ADCY8: variants seen among roughly 807,000 people sequenced by gnomAD.
The protein encoded by ADCY8 is adenylate cyclase 8.
Under a neutral mutation model 119.7 loss-of-function variants are expected in ADCY8, and 51 were observed. The observed-to-expected ratio is 0.43, with a 90% CI of 0.34 to 0.54. The LOEUF (loss-of-function observed/expected upper bound fraction) is 0.54. ADCY8 is among the 20% of genes least tolerant of loss of function. The probability of loss-of-function intolerance (pLI) is 0.03; values close to 1 mark genes in which losing one functional copy is unlikely to be tolerated. For missense variants in ADCY8, 1,383 were observed against 1,598.8 expected, an observed-to-expected ratio of 0.87 and a Z score of 2.30; for synonymous variants, 665 against 651.0, an observed-to-expected ratio of 1.02 and a Z score of -0.33.
At chr8:130,874,182 C>T (rs1818471323) in intron 8 of ADCY8, among the ~76,000 whole-genome samples, 3 of 151,922 alleles carry the variant, frequency 2.0e-5, no homozygotes, top group African/African-American at 4.8e-5. Context: ...GTGGTGTGCA[C>T]CTGTAGTCCC....
intron 3 of ADCY8, among the ~76,000 whole-genome samples, chr8:130,950,551 A>T (rs1204296673): frequency 6.6e-6 from 1 of 152,204 alleles, no homozygotes; most frequent in African/African-American, 2.4e-5. Flanking sequence ...AGACAGTGGC[A>T]GTGGCCTCCT....
At chr8:130,900,045 C>T (rs1355099233) in intron 7 of ADCY8, among the ~76,000 whole-genome samples, 1 of 152,174 alleles carries the variant, frequency 6.6e-6, no homozygotes, top group East Asian at 1.9e-4. Context: ...CACCTGGAAA[C>T]TCAAGGCATG....
At chr8:130,829,670 G>A (rs952108321) in intron 12 of ADCY8, among the ~76,000 whole-genome samples, 2 of 152,190 alleles carry the variant, frequency 1.3e-5, no homozygotes, top group African/African-American at 4.8e-5. Context: ...AAAGAAGGAT[G>A]TTTGGGACAA....
chr8:130,836,793 G>A (rs748892851), intron 11 of ADCY8, among the ~76,000 whole-genome samples: 2 of 152,108 alleles, frequency 1.3e-5, no homozygotes, highest in Non-Finnish European at 2.9e-5. Context: ...GAGGGCAGTG[G>A]TATCATCTCG....
At chr8:130,973,463 T>C (rs1177104731) in intron 2 of ADCY8, among the ~76,000 whole-genome samples, 1 of 152,206 alleles carries the variant, frequency 6.6e-6, no homozygotes, top group Admixed American at 6.5e-5. Context: ...AGAGGGCACA[T>C]GGTGAAGAAT....
chr8:130,919,478 G>A (rs1399290787), intron 5 of ADCY8, among the ~76,000 whole-genome samples: 1 of 152,184 alleles, frequency 6.6e-6, no homozygotes, highest in Non-Finnish European at 1.5e-5. Flanking sequence ...GCCTGCAGAA[G>A]AGTGGGTGCA....
chr8:130,937,029 T>G, intron 5 of ADCY8, 44 bp downstream of exon 5: 3 of 1,579,818 alleles, frequency 1.9e-6, no homozygotes, highest in Non-Finnish European at 2.6e-6. Context: ...CCTGTGATCG[T>G]GCACATTGAA....
intron 5 of ADCY8, among the ~76,000 whole-genome samples, chr8:130,930,679 C>G (rs896313432): frequency 6.6e-6 from 1 of 152,190 alleles, no homozygotes; most frequent in Admixed American, 6.5e-5. Context: ...GTCACACACA[C>G]ACACCCTACT....
intron 15 of ADCY8, 105 bp downstream of exon 15, chr8:130,800,321 C>T: frequency 7.8e-7 from 1 of 1,282,916 alleles, no homozygotes; most frequent in Non-Finnish European, 1.1e-6. Flanking sequence ...GGCTGGAATT[C>T]CGTTAAGTGC....
At chr8:130,892,437 A>G (rs1819221074) in intron 7 of ADCY8, 1 of 152,264 alleles carries the variant, frequency 6.6e-6, no homozygotes, top group Middle Eastern at 3.4e-3. Context: ...AAATAAAACA[A>G]TGACAAGGCA....
intron 1 of ADCY8, among the ~76,000 whole-genome samples, chr8:131,036,180 A>G (rs964553181): frequency 6.6e-6 from 1 of 152,160 alleles, no homozygotes; most frequent in South Asian, 2.1e-4. Context: ...AGTTTCTAGG[A>G]TTCTGTCATT....
At chr8:130,868,046 T>A (rs7838092) in intron 8 of ADCY8, 100 bp from the exon 9 acceptor site, 124,471 of 708,584 alleles carry the variant, frequency 0.18, 12,041 homozygotes, top group East Asian at 0.28. Flanking sequence ...AGATTTTTTT[T>A]AAATTAAGAA....
intron 8 of ADCY8, among the ~76,000 whole-genome samples, chr8:130,883,091 G>C (rs1393878016): frequency 1.3e-5 from 2 of 151,228 alleles, no homozygotes; most frequent in African/African-American, 4.9e-5. Context: ...TCCTCCCTTA[G>C]ATGTGAATGC....
intron 1 of ADCY8, among the ~76,000 whole-genome samples, chr8:131,030,582 C>T (rs1302119527): frequency 6.6e-6 from 1 of 152,156 alleles, no homozygotes; most frequent in Non-Finnish European, 1.5e-5. Flanking sequence ...CAGGTGTGAA[C>T]CTCCAGCCAA....
At chr8:131,007,207 G>A (rs1355690719) in intron 1 of ADCY8, among the ~76,000 whole-genome samples, 1 of 152,152 alleles carries the variant, frequency 6.6e-6, no homozygotes, top group African/African-American at 2.4e-5. Flanking sequence ...TACTCAGGGA[G>A]GAAATAAGAA....
intron 1 of ADCY8, among the ~76,000 whole-genome samples, chr8:131,001,294 T>A (rs1045792303): frequency 6.6e-6 from 1 of 152,026 alleles, no homozygotes; most frequent in Non-Finnish European, 1.5e-5. Context: ...CTGCAGTAGG[T>A]GGGCGTCCTG....
intron 11 of ADCY8, 124 bp downstream of exon 11, chr8:130,847,300 G>C: frequency 3.2e-6 from 2 of 633,676 alleles, no homozygotes; most frequent in Non-Finnish European, 5.5e-6. Flanking sequence ...AGAAGAAGAG[G>C]CAGAAGAAGG....
At position 130,821,416 on chromosome 8, in the gene ADCY8, A is replaced by G; in HGVS notation, c.2680T>C (p.Phe894Leu). The G allele has an allele frequency of 6.2e-7, 1 of 1,612,874 alleles. No individual in the cohort carries two copies. Among genetic ancestry groups the G allele is most frequent in the Non-Finnish European group, 8.5e-7 (1 of 1,179,144 alleles). The change falls in exon 13 of 18, where the codon TTC (phenylalanine) becomes CTC (leucine). Residue 894 changes from phenylalanine to leucine, a missense_variant. Physicochemically the swap from Phe to Leu is conservative, Grantham distance 22. Around this residue, in one of 2 missense-constraint regions of ADCY8, gnomAD observed 928 missense variants for 1,163.5 expected, o/e 0.80. Transcript: ENST00000286355. ...AGTGATACCTCCTTGGTCCCCAGGA[A>G]ATCTCTGTTGGAAGAAAAAAGGAAC... is the stretch of plus-strand genomic sequence containing the variant. Reference protein sequence around the residue: ...YDNLNHSGEDFLGTKEVSLLL... With the variant: ...YDNLNHSGEDLLGTKEVSLLL...
chr8:130,948,937 C>T (rs1025115752), intron 3 of ADCY8, among the ~76,000 whole-genome samples: 1 of 152,126 alleles, frequency 6.6e-6, no homozygotes, highest in Non-Finnish European at 1.5e-5. Context: ...CCCGAAACCC[C>T]CGGAGCCGCG....
Sources: gnomAD v4.1 joint callset for allele counts (sites outside exome capture counted in the v4.1 genomes callset) on GRCh38, gnomAD v4.1.1 for gene constraint, gnomAD v4.1.1 regional missense constraint, MANE v1.5 for transcripts, NCBI Gene and HGNC (gene_info 2026-07-23, HGNC 2026-07-21) for gene names.